The following GPI variants were observed in gnomAD, a reference collection of about 807,000 sequenced individuals.
GPI encodes the protein glucose-6-phosphate isomerase, also known as D-hexose-6-phosphate anomerase.
A neutral mutation model predicts 75.8 loss-of-function variants in GPI; 56 were observed. The observed-to-expected ratio is 0.74, with a 90% CI of 0.60 to 0.92. The LOEUF is 0.92. Ranked by LOEUF, GPI falls within the 40% of genes least tolerant of loss-of-function variation. GPI has a pLI of 0.00. For missense variants in GPI, 638 were observed against 741.0 expected, an observed-to-expected ratio of 0.86 and a Z score of 1.61; for synonymous variants, 288 against 285.4, an observed-to-expected ratio of 1.01 and a Z score of -0.09.
Position 34,399,988 on chromosome 19 carries a change from T to C in GPI, c.1629T>C (p.Asn543=), listed in dbSNP as rs1185476109. The change falls in exon 18 of 18, where the codon AAT becomes AAC. Residue 543 remains asparagine, a synonymous_variant. Transcript: ENST00000356487. ...TGACCTCTCACGACGCTTCTACCAA[T>C]GGGCTCATCAACTTCATCAAGCAGC... ...AQVTSHDAST[N]GLINFIKQQR... is the part of the protein sequence containing the mutation. 1.9e-6 allele frequency: 3 copies of C among 1,613,820 alleles called. No homozygotes were observed. The highest frequency in any genetic ancestry group is 2.2e-5 in the East Asian group (1 of 44,860).
chr19:34,366,195 T>A (rs1568324149), intron 1 of GPI, 150 bp from the exon 2 acceptor site: 1 of 715,602 alleles, frequency 1.4e-6, no homozygotes. Context: ...GGCCAGCAGG[T>A]GACAGACACC....
rs1416281123 is a variant in GPI at position 34,400,598 on chromosome 19, A to C, written c.*562A>C. 1 of 419,890 alleles carries C rather than the reference A, an allele frequency of 2.4e-6. No homozygotes were observed. The highest frequency in any genetic ancestry group is 3.4e-5 in the East Asian group (1 of 29,620). 26.0% of individuals were successfully genotyped at this position (419,890 alleles called of 1,614,324 possible). A position where few individuals can be genotyped will look rare whatever the true frequency, so the allele number is the denominator to read the frequency against. Reference sequence around the variant, plus strand: ...ACTGCAGAAATTGGATACTCTGTTCACTCGATGGTTCTAAAAACTGCATTG... The same window carrying C: ...ACTGCAGAAATTGGATACTCTGTTCCCTCGATGGTTCTAAAAACTGCATTG... On this transcript the variant is annotated 3_prime_UTR_variant, in exon 18 of 18. Transcript: ENST00000356487.
intron 4 of GPI, among the ~76,000 whole-genome samples, chr19:34,370,192 C>G (rs1011826261): frequency 2.0e-5 from 3 of 152,202 alleles, no homozygotes; most frequent in African/African-American, 4.8e-5. Flanking sequence ...TTCCCCACAT[C>G]AAGCACTTGC....
chr19:34,398,712 C>CTT (rs1196506243), intron 14 of GPI: 4 of 143,428 alleles, frequency 2.8e-5, no homozygotes, highest in African/African-American at 7.8e-5. Flanking sequence ...GTGTGTAGTT[C>CTT]TTTTTTTTTT....
intron 4 of GPI, among the ~76,000 whole-genome samples, chr19:34,371,920 C>A (rs550454364): frequency 6.6e-6 from 1 of 150,484 alleles, no homozygotes; most frequent in Non-Finnish European, 1.5e-5. Flanking sequence ...CTTTGACAGT[C>A]GGGAAAGGAG....
chr19:34,365,365 C>T lies in GPI; in HGVS notation c.99C>T (p.Asn33=), dbSNP rs768394638. 1 of 1,590,176 alleles carries T rather than the reference C, an allele frequency of 6.3e-7. No homozygotes were observed. The highest frequency in any genetic ancestry group is 2.4e-5 in the East Asian group (1 of 42,530). ...ACCTGCGCCGCCTCTTCGATGCCAA[C>T]AAGGACCGCTTCAACCACTTCAGGT... ...ELNLRRLFDA[N]KDRFNHFSLT... is the part of the protein sequence containing the mutation. The change falls in exon 1 of 18, where the codon AAC becomes AAT. Residue 33 remains asparagine, a synonymous_variant. Coordinates refer to ENST00000356487, the MANE Select transcript of GPI (RefSeq NM_000175.5).
At chr19:34,398,937 C>T in intron 14 of GPI, 1 of 322,692 alleles carries the variant, frequency 3.1e-6, no homozygotes, top group Non-Finnish European at 6.0e-6. Context: ...GAGCTCCTGA[C>T]CTCGTGGTCC....
chr19:34,368,523 G>A, intron 3 of GPI, 60 bp from the exon 4 acceptor site: 1 of 1,601,966 alleles, frequency 6.2e-7, no homozygotes, highest in Non-Finnish European at 8.6e-7. Context: ...ATGCCCAGCT[G>A]GGAGCATGGC....
chr19:34,399,562 G>A lies in GPI; in HGVS notation c.1405G>A (p.Glu469Lys). The change falls in exon 16 of 18, where the codon GAA (glutamate) becomes AAA (lysine). Residue 469 changes from glutamate to lysine, a missense_variant. Physicochemically the swap from Glu to Lys is moderately conservative, Grantham distance 56. Transcript: ENST00000356487. ...LERLLPHKVF[E>K]GNRPTNSIVF... ...TCCTTGGTGTTTTCTGCAGGTCTTT[G>A]AAGGAAATCGCCCAACCAACTCTAT... 6.2e-7 allele frequency: 1 copy of A among 1,614,144 alleles called. No homozygotes were observed.
At position 34,393,614 on chromosome 19, in the gene GPI, T is replaced by C. The variant is rs2145420855; in HGVS notation, c.866-114T>C. Reference sequence around the variant, plus strand: ...CTTTGTCTAGGTCCGAGTCCTCCCATGTCGTATCTTCTGGCTCTCCATGCA... The same window carrying C: ...CTTTGTCTAGGTCCGAGTCCTCCCACGTCGTATCTTCTGGCTCTCCATGCA... On this transcript the variant is annotated intron_variant, in intron 10 of 17. Coordinates refer to ENST00000356487, the MANE Select transcript of GPI (RefSeq NM_000175.5). This position sits in a 1 kb window ranked among gnomAD's most constrained non-coding sequence, Gnocchi z 4.4. The C allele has an allele frequency of 2.0e-6, 2 of 1,016,692 alleles. No homozygotes were observed. Among genetic ancestry groups the C allele is most frequent in the Non-Finnish European group, 3.1e-6 (2 of 643,006 alleles). The allele number at this position is 1,016,692 out of a possible 1,614,324, so 63.0% of individuals were successfully genotyped here. A position where few individuals can be genotyped will look rare whatever the true frequency, so the allele number is the denominator to read the frequency against.
chr19:34,380,993 G>T, intron 8 of GPI: 1 of 287,102 alleles, frequency 3.5e-6, no homozygotes, highest in Non-Finnish European at 6.9e-6. Flanking sequence ...GAGCTTCCTG[G>T]TGCAGTCACC....
rs2074900019 is a variant in GPI at position 34,393,657 on chromosome 19, A to G, written c.866-71A>G. ...TCCATGCAGCCTTCCTTCGTTGCAGAAGGAGCTGTGCCCACTGCCCACAGG... is the reference window on the plus strand; with the variant it reads ...TCCATGCAGCCTTCCTTCGTTGCAGGAGGAGCTGTGCCCACTGCCCACAGG... On this transcript the variant is annotated intron_variant, in intron 10 of 17. Coordinates refer to ENST00000356487, the MANE Select transcript of GPI (RefSeq NM_000175.5). The surrounding 1 kb of genome is among the most constrained non-coding windows in gnomAD (Gnocchi z 4.4). 2.1e-6 allele frequency: 3 copies of G among 1,435,612 alleles called. No individual in the cohort carries two copies. Among genetic ancestry groups the G allele is most frequent in the Admixed American group, 3.3e-5 (2 of 59,784 alleles). The allele number at this position is 1,435,612 out of a possible 1,614,324, so 88.9% of individuals were successfully genotyped here.
In GPI at chr19:34,366,385, T is replaced by C; in HGVS notation, c.163T>C (p.Tyr55His). The C allele has an allele frequency of 4.3e-6, 7 of 1,613,750 alleles. No individual in the cohort carries two copies. The highest frequency in any genetic ancestry group is 5.1e-6 in the Non-Finnish European group (6 of 1,179,606). The change falls in exon 2 of 18, where the codon TAC becomes CAC. Residue 55 changes from tyrosine to histidine, a missense_variant. Tyr to His is a moderately conservative substitution (Grantham distance 83). Transcript: ENST00000356487. ...CAACCATGGGCATATCCTGGTGGAT[T>C]ACTCCAAGAACCTGGTGACGGAGGA... The part of the protein sequence containing the change: ...NTNHGHILVD[Y>H]SKNLVTEDVM...
intron 8 of GPI, among the ~76,000 whole-genome samples, chr19:34,380,174 T>G (rs1456650255): frequency 2.0e-5 from 3 of 151,754 alleles, no homozygotes; most frequent in Admixed American, 6.6e-5. Flanking sequence ...TTTCGTATTT[T>G]TAGTAGAGAC....
chr19:34,366,352 C>G lies in GPI; in HGVS notation c.130C>G (p.Leu44Val). 6.2e-7 allele frequency: 1 copy of G among 1,609,664 alleles called. No individual in the cohort carries two copies. Among genetic ancestry groups the G allele is most frequent in the Non-Finnish European group, 8.5e-7 (1 of 1,175,898 alleles). ...ATCTCCATCTTTCTGCAGCTTGACCCTCAACACCAACCATGGGCATATCCT... is the reference window on the plus strand; with the variant it reads ...ATCTCCATCTTTCTGCAGCTTGACCGTCAACACCAACCATGGGCATATCCT... ...KDRFNHFSLT[L>V]NTNHGHILVD... The change falls in exon 2 of 18, where the codon CTC becomes GTC. Residue 44 changes from leucine to valine, a missense_variant. Coordinates refer to ENST00000356487, the MANE Select transcript of GPI (RefSeq NM_000175.5).
intron 9 of GPI, among the ~76,000 whole-genome samples, chr19:34,389,545 C>T (rs2074791299): frequency 6.6e-6 from 1 of 152,178 alleles, no homozygotes; most frequent in African/African-American, 2.4e-5. Flanking sequence ...TCCTTCGTGT[C>T]TAGAAGGTTA....
In GPI at chr19:34,368,692, C is replaced by G. The variant is rs2074404676; in HGVS notation, c.392C>G (p.Ser131Cys). The G allele has an allele frequency of 7.4e-6, 12 of 1,614,214 alleles. No individual in the cohort carries two copies. The East Asian group carries it at 2.7e-4, about 36-fold the overall frequency. The change falls in exon 4 of 18, where the codon TCT becomes TGT. Residue 131 changes from serine to cysteine, a missense_variant. Physicochemically the swap from Ser to Cys is moderately radical, Grantham distance 112. Transcript: ENST00000356487. Reference sequence around the variant, plus strand: ...AACAAGGTTCTGGACAAGATGAAGTCTTTCTGCCAGGTAAGTGGCTACTGG... The same window carrying G: ...AACAAGGTTCTGGACAAGATGAAGTGTTTCTGCCAGGTAAGTGGCTACTGG... The part of the protein sequence containing the change: ...EVNKVLDKMK[S>C]FCQRVRSGDW...
chr19:34,369,250 T>C (rs981181984), intron 4 of GPI, among the ~76,000 whole-genome samples: 14 of 152,000 alleles, frequency 9.2e-5, no homozygotes, highest in Admixed American at 8.5e-4. Context: ...GATTTCACCA[T>C]GTTGGCCAGG....
At chr19:34,375,697 CTGTT>C (rs1265332600) in intron 4 of GPI, among the ~76,000 whole-genome samples, 4 of 152,348 alleles carry the variant, frequency 2.6e-5, no homozygotes, top group East Asian at 3.9e-4. Context: ...CTTTATGAAA[CTGTT>C]TGAATGTCTT....
Sources: allele counts gnomAD v4.1 joint callset (sites outside exome capture counted in the v4.1 genomes callset), GRCh38; gene constraint gnomAD v4.1.1; non-coding constraint Gnocchi (gnomAD v3.1); transcripts MANE v1.5; gene names NCBI Gene and HGNC (gene_info 2026-07-23, HGNC 2026-07-21).